SBF1: variants seen among roughly 807,000 people sequenced by gnomAD.
SBF1 encodes the protein myotubularin-related protein 5.
A neutral mutation model predicts 215.8 loss-of-function variants in SBF1; 65 were observed. That is an observed-to-expected ratio of 0.30 (90% CI 0.25 to 0.37). The LOEUF is 0.37. Ranked by LOEUF, SBF1 falls within the 10% of genes least tolerant of loss-of-function variation. SBF1 has a pLI of 1.00. For missense variants in SBF1, 2,634 were observed against 2,667.8 expected (o/e 0.99, Z 0.28); for synonymous variants, 1,410 against 1,122.8 (o/e 1.26, Z -5.11).
chr22:50,456,210 A>G lies in SBF1; in HGVS notation c.4266+6T>C. 1 of 1,611,088 alleles carries G rather than the reference A, an allele frequency of 6.2e-7. No individual in the cohort carries two copies. Among genetic ancestry groups the G allele is most frequent in the Non-Finnish European group, 8.5e-7 (1 of 1,179,652 alleles). ...GGCGGGCAGAGGGACGGGGCAGTGCAGAGACCTGGATCAGCCACTCTGAGT... is the reference window on the plus strand; with the variant it reads ...GGCGGGCAGAGGGACGGGGCAGTGCGGAGACCTGGATCAGCCACTCTGAGT... On this transcript the variant is annotated splice_donor_region_variant and intron_variant, in intron 31 of 40. Transcript: ENST00000380817.
intron 31 of SBF1, 40 bp downstream of exon 31, chr22:50,456,176 C>G: frequency 6.2e-7 from 1 of 1,601,508 alleles, no homozygotes; most frequent in Non-Finnish European, 8.5e-7. Context: ...GGGGAGGGCC[C>G]AGCACCAAGG....
At chr22:50,464,198 C>G in intron 15 of SBF1, 131 bp downstream of exon 15, 1 of 775,352 alleles carries the variant, frequency 1.3e-6, no homozygotes, top group Non-Finnish European at 2.1e-6. Flanking sequence ...CCGGCCAGCC[C>G]AGCCACCTCT....
rs187374898 is a variant in SBF1 at position 50,463,466 on chromosome 22, C to T, written c.1750-34G>A. 1,955 of 1,528,852 alleles carry T rather than the reference C, an allele frequency of 1.3e-3. 18 individuals carry two copies. The highest frequency in any genetic ancestry group is 8.8e-3 in the African/African-American group (648 of 73,360). 94.7% of individuals were successfully genotyped at this position (1,528,852 alleles called of 1,614,324 possible). A position where few individuals can be genotyped will look rare whatever the true frequency, so the allele number is the denominator to read the frequency against. ...GGGGAAAGGAGACACGGGCTGAGGG[C>T]ACAGAGAAGACCCACTCGGGGCCCT... On this transcript the variant is annotated intron_variant, in intron 15 of 40. Coordinates refer to ENST00000380817, the MANE Select transcript of SBF1 (RefSeq NM_002972.4).
At chr22:50,463,764 C>T (rs1359596829) in intron 15 of SBF1, among the ~76,000 whole-genome samples, 1 of 152,206 alleles carries the variant, frequency 6.6e-6, no homozygotes, top group Admixed American at 6.5e-5. Flanking sequence ...TGGCACAGGC[C>T]CGGCCACAGA....
intron 36 of SBF1, among the ~76,000 whole-genome samples, chr22:50,451,860 G>C (rs982990447): frequency 6.7e-6 from 1 of 150,264 alleles, no homozygotes; most frequent in South Asian, 2.1e-4. Context: ...GCAGTGGCGC[G>C]ATCTCAGCTC....
intron 10 of SBF1, 53 bp downstream of exon 10, chr22:50,465,710 G>T (rs1364738096): frequency 2.7e-6 from 4 of 1,502,008 alleles, no homozygotes; most frequent in Admixed American, 2.2e-5. Flanking sequence ...AGACCTGAGT[G>T]GGGGCAGCCT....
intron 28 of SBF1, 25 bp downstream of exon 28, chr22:50,459,226 CCCCA>C (rs766813294): frequency 3.2e-5 from 50 of 1,580,346 alleles, no homozygotes; most frequent in African/African-American, 2.3e-4. Flanking sequence ...AGTGCCCCTG[CCCCA>C]CCGTCTGCCC....
At chr22:50,460,828 CCAGG>C (rs1327104848) in intron 23 of SBF1, 116 bp from the exon 24 acceptor site, 6 of 1,158,480 alleles carry the variant, frequency 5.2e-6, no homozygotes, top group South Asian at 4.2e-5. Flanking sequence ...GAAGCAGGCC[CCAGG>C]CAAAGGCCTG....
At chr22:50,458,054 CTT>C (rs2067328068) in intron 28 of SBF1, among the ~76,000 whole-genome samples, 1 of 152,202 alleles carries the variant, frequency 6.6e-6, no homozygotes, top group Non-Finnish European at 1.5e-5. Flanking sequence ...AATCCCAGCA[CTT>C]TGGGAGGCCG....
At chr22:50,454,312 G>A (rs1369207236) in intron 36 of SBF1, among the ~76,000 whole-genome samples, 200 bp downstream of exon 36, 2 of 152,144 alleles carry the variant, frequency 1.3e-5, no homozygotes, top group South Asian at 2.1e-4. Flanking sequence ...CACCCACTGA[G>A]TGGTGCGGGG....
rs2066834736 is a variant in SBF1, at chr22:50,446,756, G to GT, written c.*385dup. The GT allele has an allele frequency of 3.9e-6, 2 of 518,118 alleles. No individual in the cohort carries two copies. Among genetic ancestry groups the GT allele is most frequent in the African/African-American group, 1.9e-5 (1 of 53,042 alleles). 32.1% of individuals were successfully genotyped at this position (518,118 alleles called of 1,614,324 possible). On this transcript the variant is annotated 3_prime_UTR_variant, in exon 41 of 41. Coordinates refer to ENST00000380817, the MANE Select transcript of SBF1 (RefSeq NM_002972.4). ...GATAGGGGCAGATGGGACCCTCTGG[G>GT]TAGGCCGAGAGCAGGCAGCCGGGGA...
Position 50,466,555 on chromosome 22 carries a change from C to A in SBF1, c.655+50G>T, listed in dbSNP as rs970084952. The A allele has an allele frequency of 9.8e-6, 15 of 1,529,130 alleles. No homozygotes were observed. The African/African-American group carries it at 1.9e-4, about 20-fold the overall frequency. The allele number at this position is 1,529,130 out of a possible 1,614,324, so 94.7% of individuals were successfully genotyped here. Reference sequence around the variant, plus strand: ...GCAGAGTGAGAACCCACATCCCTAACTACCAGTCCCCGAGGGGAAGCCATG... The same window carrying A: ...GCAGAGTGAGAACCCACATCCCTAAATACCAGTCCCCGAGGGGAAGCCATG... On this transcript the variant is annotated intron_variant, in intron 6 of 40. Coordinates refer to ENST00000380817, the MANE Select transcript of SBF1 (RefSeq NM_002972.4).
rs1418032137 is a variant in SBF1, at chr22:50,467,889, T to C, written c.176A>G (p.Glu59Gly). The C allele has an allele frequency of 1.2e-6, 2 of 1,613,930 alleles. No individual in the cohort carries two copies. The highest frequency in any genetic ancestry group is 1.7e-6 in the Non-Finnish European group (2 of 1,179,958). ...CQPSGWQLCPERNPPTFFVAV... is the reference protein window; with the variant it reads ...CQPSGWQLCPGRNPPTFFVAV... ...AACAAAGAAGGTCGGTGGATTCCTC[T>C]CGGGACACAGCTGCCACCCGCTGGG... Residue 59 changes from glutamate to glycine, a missense_variant, in exon 3 of 41, where the codon GAG becomes GGG. Physicochemically the swap from Glu to Gly is moderately conservative, Grantham distance 98 (BLOSUM62 -2). Transcript: ENST00000380817.
intron 7 of SBF1, 31 bp downstream of exon 7, chr22:50,466,319 G>A: frequency 6.2e-7 from 1 of 1,604,002 alleles, no homozygotes; most frequent in Non-Finnish European, 8.5e-7. Flanking sequence ...GGGGCCAGGA[G>A]AAGGGGCTGG....
At chr22:50,447,941 G>A (rs1211539089) in intron 38 of SBF1, among the ~76,000 whole-genome samples, 1 of 152,234 alleles carries the variant, frequency 6.6e-6, no homozygotes, top group African/African-American at 2.4e-5. Context: ...GAGAGGGATG[G>A]CCAGGCAGGT....
rs757332945 is a variant in SBF1, at chr22:50,461,668, G to A, written c.2694C>T (p.Asp898=). ...CCGGCAGCAGGTAGACGCGCAGGCC[G>A]TCCAGCACACACTCCTCACCCGGCA... ...RLLPGEECVL[D]GLRVYLLPDG... Residue 898 remains aspartate (D), a synonymous_variant, in exon 22 of 41, where the codon GAC becomes GAT. Coordinates refer to ENST00000380817, the MANE Select transcript of SBF1 (RefSeq NM_002972.4). The A allele has an allele frequency of 2.0e-5, 32 of 1,610,312 alleles. No homozygotes were observed. The highest frequency in any genetic ancestry group is 1.6e-4 in the Middle Eastern group (1 of 6,084).
intron 1 of SBF1, among the ~76,000 whole-genome samples, chr22:50,469,794 C>G (rs548486825): frequency 6.6e-6 from 1 of 152,076 alleles, no homozygotes; most frequent in East Asian, 1.9e-4. Context: ...ATGCCTGGTC[C>G]TCCTGGGAAC....
chr22:50,447,485 C>CGCCCCCGGGGG, intron 39 of SBF1, 32 bp from the exon 40 acceptor site: 1 of 1,609,894 alleles, frequency 6.2e-7, no homozygotes, highest in Non-Finnish European at 8.5e-7. Flanking sequence ...GCGGAGCCCC[C>CGCCCCCGGGGG]TCCCCCGTGA....
At chr22:50,452,542 A>G (rs1012628536) in intron 36 of SBF1, among the ~76,000 whole-genome samples, 2 of 151,910 alleles carry the variant, frequency 1.3e-5, no homozygotes, top group Non-Finnish European at 2.9e-5. Flanking sequence ...AACACAGTGA[A>G]ACCCCGTCTC....
Sources: gnomAD v4.1 joint callset for allele counts (sites outside exome capture counted in the v4.1 genomes callset) on GRCh38, gnomAD v4.1.1 for gene constraint, MANE v1.5 for transcripts, NCBI Gene and HGNC (gene_info 2026-07-23, HGNC 2026-07-21) for gene names.